ADAM22: variants seen among roughly 807,000 people sequenced by gnomAD.
ADAM22 encodes disintegrin and metalloproteinase domain-containing protein 22.
In ADAM22, 65 loss-of-function variants were observed where a neutral mutation model predicts 144.6. That is an observed-to-expected ratio of 0.45 (90% CI 0.37 to 0.55). ADAM22 has a LOEUF of 0.55. ADAM22 is among the 20% of genes least tolerant of loss of function. ADAM22 has a pLI of 0.00. For missense variants in ADAM22, 974 were observed against 1,184.9 expected, an observed-to-expected ratio of 0.82 and a Z score of 2.61; for synonymous variants, 391 against 412.6, an observed-to-expected ratio of 0.95 and a Z score of 0.63.
chr7:88,165,778 C>A, intron 23 of ADAM22, 54 bp from the exon 24 acceptor site: 3 of 1,240,196 alleles, frequency 2.4e-6, no homozygotes, highest in South Asian at 1.4e-5. Flanking sequence ...GTTTATTTTT[C>A]ATGCTTCTGT....
chr7:88,024,803 T>C (rs1798633577), intron 3 of ADAM22, among the ~76,000 whole-genome samples: 1 of 151,104 alleles, frequency 6.6e-6, no homozygotes, highest in Non-Finnish European at 1.5e-5. Flanking sequence ...CATGCAGTGT[T>C]TGGTTTTTTG....
chr7:88,087,996 G>A (rs915499261), intron 4 of ADAM22, among the ~76,000 whole-genome samples: 4 of 152,050 alleles, frequency 2.6e-5, no homozygotes, highest in Non-Finnish European at 4.4e-5. Context: ...AAAGGAGTGC[G>A]GGCCACCATT....
chr7:88,146,038 T>C (rs1836295283), intron 17 of ADAM22, among the ~76,000 whole-genome samples: 1 of 152,152 alleles, frequency 6.6e-6, no homozygotes, highest in South Asian at 2.1e-4. Context: ...TTTACACACT[T>C]TATGTTTTCA....
At chr7:88,142,837 CA>C (rs35939860) in intron 14 of ADAM22, among the ~76,000 whole-genome samples, 188 bp from the exon 15 acceptor site, 21,754 of 117,142 alleles carry the variant, frequency 0.19, 2,806 homozygotes, top group African/African-American at 0.4. Flanking sequence ...GACTCCGTCT[CA>C]AAAAAAAAAA....
chr7:88,051,187 C>T (rs2129474135), intron 3 of ADAM22, among the ~76,000 whole-genome samples: 1 of 152,254 alleles, frequency 6.6e-6, no homozygotes, highest in Middle Eastern at 3.4e-3. Flanking sequence ...TTGACCCAGC[C>T]ATCCCATTAC....
chr7:87,991,110 T>G (rs1262994107), intron 3 of ADAM22, among the ~76,000 whole-genome samples: 1 of 152,208 alleles, frequency 6.6e-6, no homozygotes, highest in East Asian at 1.9e-4. Context: ...ATTTCTGTGT[T>G]TTTTTGACAT....
At chr7:88,108,318 A>G in intron 5 of ADAM22, 60 bp downstream of exon 5, 5 of 1,339,154 alleles carry the variant, frequency 3.7e-6, no homozygotes, top group Non-Finnish European at 5.3e-6. Flanking sequence ...TTTCTTTATT[A>G]TGAATGCACT....
intron 3 of ADAM22, among the ~76,000 whole-genome samples, chr7:87,988,782 C>T (rs887911609): frequency 6.6e-6 from 1 of 152,144 alleles, no homozygotes; most frequent in Non-Finnish European, 1.5e-5. Context: ...ATAGAAGTAG[C>T]GAGTAGGCCT....
At chr7:88,144,644 A>T (rs1279727062) in intron 15 of ADAM22, among the ~76,000 whole-genome samples, 1 of 152,090 alleles carries the variant, frequency 6.6e-6, no homozygotes, top group Non-Finnish European at 1.5e-5. Context: ...TCTGATGTGG[A>T]TGGACAACTA....
At chr7:87,998,885 G>A (rs1791873611) in intron 3 of ADAM22, among the ~76,000 whole-genome samples, 1 of 152,008 alleles carries the variant, frequency 6.6e-6, no homozygotes, top group African/African-American at 2.4e-5. Context: ...ACATCATTTG[G>A]TACAGAAATA....
chr7:87,934,993 T>A, intron 1 of ADAM22, 33 bp from the exon 2 acceptor site: 2 of 1,613,954 alleles, frequency 1.2e-6, no homozygotes, highest in South Asian at 2.2e-5. Context: ...GCCTTTTCTC[T>A]CCACTCCCTC....
At position 88,163,097 on chromosome 7, in the gene ADAM22, G is replaced by A. The variant is rs767977721; in HGVS notation, c.1993G>A (p.Glu665Lys). The change falls in exon 23 of 32, where the codon GAA (glutamate) becomes AAA (lysine). Residue 665 changes from glutamate (E) to lysine (K), a missense_variant. Coordinates refer to ENST00000413139, the MANE Select transcript of ADAM22 (RefSeq NM_001324418.2). ...TPCGPQMMCLEHRCLPVASFN... is the reference protein window; with the variant it reads ...TPCGPQMMCLKHRCLPVASFN... ...TTGTGGTCCCCAAATGATGTGCTTA[G>A]AACACAGGTGTCTTCCTGTGGCTTC... 3.7e-6 allele frequency: 6 copies of A among 1,612,342 alleles called. No homozygotes were observed. In the African/African-American group the frequency reaches 8.0e-5, roughly 22 times the overall value.
chr7:88,053,326 G>A (rs1585284363), intron 3 of ADAM22, among the ~76,000 whole-genome samples: 1 of 151,928 alleles, frequency 6.6e-6, no homozygotes, highest in African/African-American at 2.4e-5. Context: ...ATTTAGCTGG[G>A]CATCATAGTA....
intron 8 of ADAM22, among the ~76,000 whole-genome samples, chr7:88,125,919 C>T (rs1426861349): frequency 2.6e-5 from 4 of 151,934 alleles, no homozygotes; most frequent in Admixed American, 2.0e-4. Context: ...GCTTGTGGCA[C>T]CTTGGGTTCT....
chr7:88,003,029 G>A (rs1192160236), intron 3 of ADAM22, among the ~76,000 whole-genome samples: 1 of 152,218 alleles, frequency 6.6e-6, no homozygotes, highest in Non-Finnish European at 1.5e-5. Context: ...AATGAATTCT[G>A]TTTTTCAGTG....
rs934092243 is a variant in ADAM22, at chr7:88,026,881, C to T, written c.323+48469C>T. The stretch of plus-strand genomic sequence containing the variant: ...GTGGGTCTGTTGTTATGGCTTCTAT[C>T]ATGTTGTGGTTTGTTTCTTCTATAG... On this transcript the variant is annotated intron_variant, in intron 3 of 31. Coordinates refer to ENST00000413139, the MANE Select transcript of ADAM22 (RefSeq NM_001324418.2). Among the ~76,000 whole-genome samples the T allele has an allele frequency of 2.0e-5, 3 of 152,188 alleles. No homozygotes were observed. In the South Asian group the frequency reaches 6.2e-4, roughly 32 times the overall value.
intron 4 of ADAM22, among the ~76,000 whole-genome samples, chr7:88,080,895 T>C (rs944916856): frequency 1.4e-4 from 22 of 152,228 alleles, no homozygotes; most frequent in African/African-American, 5.1e-4. Flanking sequence ...GATTCACAGC[T>C]GAATTCTACC....
Position 87,934,383 on chromosome 7 carries a change from G to A in ADAM22, c.-83G>A, listed in dbSNP as rs1233676406. On this transcript the variant is annotated 5_prime_UTR_variant, in exon 1 of 32. Coordinates refer to ENST00000413139, the MANE Select transcript of ADAM22 (RefSeq NM_001324418.2). ...GTGGAGGTGGCCGCGGGGACCCCGG[G>A]GGCGCGGAGCGAGGGAAACGGACTC... 1 of 1,398,768 alleles carries A rather than the reference G, an allele frequency of 7.1e-7. No homozygotes were observed. The highest frequency in any genetic ancestry group is 9.7e-7 in the Non-Finnish European group (1 of 1,035,168). The allele number at this position is 1,398,768 out of a possible 1,614,324, so 86.6% of individuals were successfully genotyped here.
chr7:87,973,533 T>C (rs527781543), intron 2 of ADAM22, among the ~76,000 whole-genome samples: 1 of 152,170 alleles, frequency 6.6e-6, no homozygotes, highest in African/African-American at 2.4e-5. Context: ...AGTGTGGCGA[T>C]TCCTCAGGGA....
Sources: allele counts gnomAD v4.1 joint callset (sites outside exome capture counted in the v4.1 genomes callset), GRCh38; gene constraint gnomAD v4.1.1; transcripts MANE v1.5; gene names NCBI Gene and HGNC (gene_info 2026-07-23, HGNC 2026-07-21).